The following ASIC2 variants were observed in gnomAD, a reference collection of about 807,000 sequenced individuals.
ASIC2 encodes acid-sensing ion channel 2.
Under a neutral mutation model 57.3 loss-of-function variants are expected in ASIC2, and 25 were observed. The ratio of observed to expected loss-of-function variants is 0.44; its 90% CI spans 0.32 to 0.61. ASIC2 has a LOEUF of 0.61. Ranked by LOEUF, ASIC2 falls within the 20% of genes least tolerant of loss-of-function variation. The pLI is 0.06. For missense variants in ASIC2, 641 were observed against 738.1 expected, an observed-to-expected ratio of 0.87 and a Z score of 1.52; for synonymous variants, 319 against 307.5, an observed-to-expected ratio of 1.04 and a Z score of -0.39.
intron 1 of ASIC2, among the ~76,000 whole-genome samples, chr17:33,508,043 TC>T (rs1914318254): frequency 6.6e-6 from 1 of 152,016 alleles, no homozygotes; most frequent in Non-Finnish European, 1.5e-5. Context: ...ACAAACTTAT[TC>T]CCCTCCTCTA....
intron 1 of ASIC2, among the ~76,000 whole-genome samples, chr17:33,743,591 C>T (rs1425209867): frequency 1.3e-5 from 2 of 152,254 alleles, no homozygotes; most frequent in African/African-American, 2.4e-5. Flanking sequence ...TGAGCCTCCT[C>T]TGACCAGTTA....
chr17:33,138,888 G>T (rs1165854936), intron 1 of ASIC2, among the ~76,000 whole-genome samples: 1 of 152,174 alleles, frequency 6.6e-6, no homozygotes, highest in African/African-American at 2.4e-5. Flanking sequence ...GGATCACATA[G>T]TATTTAGTGG....
At chr17:34,124,941 C>T (rs1208562797) in intron 1 of ASIC2, among the ~76,000 whole-genome samples, 24 of 150,268 alleles carry the variant, frequency 1.6e-4, no homozygotes, top group Non-Finnish European at 2.8e-4. Flanking sequence ...CATAAAAATC[C>T]TCAGTGTTCC....
chr17:33,365,976 G>A (rs1323871865), intron 1 of ASIC2, among the ~76,000 whole-genome samples: 1 of 152,202 alleles, frequency 6.6e-6, no homozygotes, highest in Non-Finnish European at 1.5e-5. Flanking sequence ...GTTCAGGTTG[G>A]TAAGCTAAGG....
Position 33,292,445 on chromosome 17 carries a change from G to A in ASIC2, c.-330C>T. ...ACTACTTCTGGAGGGGTCCCACTGG[G>A]AGCCGCCTCTCCAGTCCCTGGGTGC... On this transcript the variant is annotated 5_prime_UTR_variant, in exon 1 of 10. Transcript: ENST00000225823. The A allele has an allele frequency of 5.1e-6, 5 of 985,546 alleles. No individual in the cohort carries two copies. The highest frequency in any genetic ancestry group is 4.8e-6 in the Non-Finnish European group (4 of 830,082). 61.1% of individuals were successfully genotyped at this position (985,546 alleles called of 1,614,324 possible).
rs569653937 is a variant in ASIC2 at position 33,834,803 on chromosome 17, A to G, written c.555+321175T>C. Among the ~76,000 whole-genome samples the G allele has an allele frequency of 2.6e-5, 4 of 152,288 alleles. No homozygotes were observed. The South Asian group carries it at 8.3e-4, about 32-fold the overall frequency. On this transcript the variant is annotated intron_variant, in intron 1 of 9. Coordinates refer to the ASIC2 transcript ENST00000359872. ...TGTCTCTCCGTGGAACTAAACTATGATCTTCCCAGAGGTGTAAGAAGTTTC... is the reference window on the plus strand; with the variant it reads ...TGTCTCTCCGTGGAACTAAACTATGGTCTTCCCAGAGGTGTAAGAAGTTTC...
intron 1 of ASIC2, among the ~76,000 whole-genome samples, chr17:33,124,728 T>C (rs7215186): frequency 0.23 from 35,018 of 152,124 alleles, 4,294 homozygotes; most frequent in East Asian, 0.43. Flanking sequence ...TTCGGGATGA[T>C]TCAAGCACAT....
chr17:33,027,740 A>T (rs928650890), intron 4 of ASIC2, among the ~76,000 whole-genome samples: 18 of 152,234 alleles, frequency 1.2e-4, no homozygotes, highest in Admixed American at 1.2e-3. Context: ...GCCTCTGATA[A>T]GCCAACTGTG....
chr17:33,167,311 G>A (rs535542356), intron 1 of ASIC2, among the ~76,000 whole-genome samples: 2 of 152,062 alleles, frequency 1.3e-5, no homozygotes, highest in Non-Finnish European at 2.9e-5. Context: ...AGGCAGTTGG[G>A]ACTCCTCTCT....
At chr17:33,146,092 A>G (rs1390476691) in intron 1 of ASIC2, among the ~76,000 whole-genome samples, 1 of 152,232 alleles carries the variant, frequency 6.6e-6, no homozygotes, top group Non-Finnish European at 1.5e-5. Flanking sequence ...ATATTCTTCA[A>G]TGGCCCCAGG....
intron 1 of ASIC2, among the ~76,000 whole-genome samples, chr17:33,618,699 T>C (rs874895): frequency 0.43 from 65,890 of 151,858 alleles, 14,774 homozygotes; most frequent in African/African-American, 0.53. Flanking sequence ...CCAAACTCCT[T>C]AGCCTGGCAT....
chr17:33,619,009 C>G (rs901398491), intron 1 of ASIC2, among the ~76,000 whole-genome samples: 2 of 152,146 alleles, frequency 1.3e-5, no homozygotes, highest in Non-Finnish European at 2.9e-5. Context: ...TTCTCCTTCT[C>G]CTGTGATCTC....
chr17:33,634,444 CT>C (rs1443136433), intron 1 of ASIC2, among the ~76,000 whole-genome samples: 2 of 152,072 alleles, frequency 1.3e-5, no homozygotes, highest in Non-Finnish European at 2.9e-5. Context: ...AAAGCATTAA[CT>C]ACTTTCCTGC....
chr17:33,443,504 C>T (rs1296900621), intron 1 of ASIC2, among the ~76,000 whole-genome samples: 2 of 143,576 alleles, frequency 1.4e-5, no homozygotes, highest in Non-Finnish European at 3.0e-5. Context: ...AGCTCCGCCT[C>T]CCGGGTTAAC....
intron 1 of ASIC2, among the ~76,000 whole-genome samples, chr17:33,201,771 T>C (rs1448565791): frequency 6.6e-6 from 1 of 152,058 alleles, no homozygotes; most frequent in Non-Finnish European, 1.5e-5. Context: ...GGCTCACACC[T>C]GTAATTCCAG....
rs115503693 is a variant in ASIC2 at position 33,914,020 on chromosome 17, G to A, written c.555+241958C>T. Among the ~76,000 whole-genome samples the A allele has an allele frequency of 9.2e-4, 140 of 152,278 alleles. 1 individual carries two copies. The highest frequency in any genetic ancestry group is 3.2e-3 in the African/African-American group (135 of 41,558). On this transcript the variant is annotated intron_variant, in intron 1 of 9. Coordinates refer to the ASIC2 transcript ENST00000359872. ...CCAAGCTTACTTACTAAACTTTATC[G>A]CAGGGCGAGACCATAATCCCAGGGA... is the stretch of plus-strand genomic sequence containing the variant.
At chr17:33,174,213 G>C (rs1357961362) in intron 1 of ASIC2, among the ~76,000 whole-genome samples, 1 of 152,148 alleles carries the variant, frequency 6.6e-6, no homozygotes, top group Non-Finnish European at 1.5e-5. Context: ...CTTGAGGTCA[G>C]GAGTTTGAGA....
intron 1 of ASIC2, among the ~76,000 whole-genome samples, chr17:33,892,673 C>T (rs1268036453): frequency 6.6e-6 from 1 of 152,172 alleles, no homozygotes; most frequent in Non-Finnish European, 1.5e-5. Flanking sequence ...TAGCATTTTC[C>T]TTCTCTCCAA....
chr17:33,798,759 G>C (rs1911994099), intron 1 of ASIC2, among the ~76,000 whole-genome samples: 1 of 152,158 alleles, frequency 6.6e-6, no homozygotes, highest in Admixed American at 6.5e-5. Flanking sequence ...AATTTAGGCA[G>C]CATTTCCACT....
Sources: gnomAD v4.1 joint callset for allele counts (sites outside exome capture counted in the v4.1 genomes callset) on GRCh38, gnomAD v4.1.1 for gene constraint, MANE v1.5 for transcripts, NCBI Gene and HGNC (gene_info 2026-07-23, HGNC 2026-07-21) for gene names.